The following KIRREL3 variants were observed in gnomAD, a reference collection of about 807,000 sequenced individuals.
KIRREL3 encodes the protein kin of IRRE-like protein 3.
A neutral mutation model predicts 89.7 loss-of-function variants in KIRREL3; 36 were observed. The ratio of observed to expected loss-of-function variants is 0.40; its 90% CI spans 0.31 to 0.53. The LOEUF is 0.53. Ranked by LOEUF, KIRREL3 falls within the 20% of genes least tolerant of loss-of-function variation. KIRREL3 has a pLI of 0.49. For synonymous variants in KIRREL3, 445 were observed against 441.4 expected (o/e 1.01, Z -0.10); for missense variants, 864 against 1,056.6 (o/e 0.82, Z 2.53).
At chr11:126,864,730 A>G (rs1422783174) in intron 1 of KIRREL3, among the ~76,000 whole-genome samples, 2 of 152,212 alleles carry the variant, frequency 1.3e-5, no homozygotes, top group African/African-American at 2.4e-5. Flanking sequence ...ATCCTTGTTT[A>G]CAGACGAGAA....
At chr11:126,861,811 G>A (rs974216807) in intron 1 of KIRREL3, among the ~76,000 whole-genome samples, 53 of 152,150 alleles carry the variant, frequency 3.5e-4, no homozygotes, top group African/African-American at 1.2e-3. Context: ...ACTGCTTCTC[G>A]AGGGATAGTC....
rs375841538 is a variant in KIRREL3 at position 126,508,614 on chromosome 11, G to A, written c.433+12701C>T. ...CTGTTTCATAGTGATGATTTTAGGG[G>A]GAGTCAGGCAGCAGAGAGAGTGGAG... On this transcript the variant is annotated intron_variant, in intron 4 of 16. Transcript: ENST00000525144. The surrounding 1 kb of genome is among the most constrained non-coding windows in gnomAD (Gnocchi z 4.9). 1.4e-3 allele frequency among the ~76,000 whole-genome samples: 219 copies of A among 152,298 alleles called. 2 individuals are homozygous for A. The highest frequency in any genetic ancestry group is 5.0e-3 in the African/African-American group (209 of 41,552).
rs543567975 is a variant in KIRREL3 at position 126,622,676 on chromosome 11, C to T, written c.56-59764G>A. On this transcript the variant is annotated intron_variant, in intron 1 of 16. Transcript: ENST00000525144. The surrounding 1 kb of genome is among the most constrained non-coding windows in gnomAD (Gnocchi z 5.2). ...TGCACTCCAGCCTGGGCGACAAGAG[C>T]GAAACTCTGTCTCAAAAAACAAAAA... is the stretch of plus-strand genomic sequence containing the variant. Among the ~76,000 whole-genome samples the T allele has an allele frequency of 6.6e-6, 1 of 152,182 alleles. No homozygotes were observed. Among genetic ancestry groups the T allele is most frequent in the South Asian group, 2.1e-4 (1 of 4,806 alleles).
rs1385496588 is a variant in KIRREL3, at chr11:126,475,480, C to T, written c.434-2014G>A. On this transcript the variant is annotated intron_variant, in intron 4 of 16. Coordinates refer to ENST00000525144, the MANE Select transcript of KIRREL3 (RefSeq NM_032531.4). The surrounding 1 kb of genome is among the most constrained non-coding windows in gnomAD (Gnocchi z 7.5). Reference sequence around the variant, plus strand: ...TGGAGGCCTGCTCCCACACTAACAGCACAGCAGTGCCATTTCCTGAGGAAC... The same window carrying T: ...TGGAGGCCTGCTCCCACACTAACAGTACAGCAGTGCCATTTCCTGAGGAAC... 6.6e-6 allele frequency among the ~76,000 whole-genome samples: 1 copy of T among 152,212 alleles called. No individual in the cohort carries two copies. The highest frequency in any genetic ancestry group is 2.4e-5 in the African/African-American group (1 of 41,462).
At chr11:126,859,807 A>G (rs771928214) in intron 1 of KIRREL3, among the ~76,000 whole-genome samples, 1 of 152,220 alleles carries the variant, frequency 6.6e-6, no homozygotes, top group Non-Finnish European at 1.5e-5. Flanking sequence ...CCGAGAGTCC[A>G]TGAGGCAGCT....
Position 126,717,601 on chromosome 11 carries a change from C to T in KIRREL3, c.56-154689G>A, listed in dbSNP as rs1038474045. Among the ~76,000 whole-genome samples the T allele has an allele frequency of 2.0e-5, 3 of 152,336 alleles. No individual in the cohort carries two copies. The East Asian group carries it at 5.8e-4, about 29-fold the overall frequency. ...TCCTCCATCCTCACTCATCTCTGTCCTCCTGCTGGCCAGTCACCCCCACCT... is the reference window on the plus strand; with the variant it reads ...TCCTCCATCCTCACTCATCTCTGTCTTCCTGCTGGCCAGTCACCCCCACCT... On this transcript the variant is annotated intron_variant, in intron 1 of 16. Transcript: ENST00000525144.
At position 126,628,510 on chromosome 11, in the gene KIRREL3, C is replaced by T. The variant is rs772067330; in HGVS notation, c.56-65598G>A. On this transcript the variant is annotated intron_variant, in intron 1 of 16. Coordinates refer to ENST00000525144, the MANE Select transcript of KIRREL3 (RefSeq NM_032531.4). The surrounding 1 kb of genome is among the most constrained non-coding windows in gnomAD (Gnocchi z 5.2). ...GCTGAGCAGGAAGAACAGTATATCC[C>T]GTTCTCCTAGCTCTCAAAACAATGG... is the stretch of plus-strand genomic sequence containing the variant. Among the ~76,000 whole-genome samples the T allele has an allele frequency of 6.6e-6, 1 of 152,194 alleles. No homozygotes were observed. Among genetic ancestry groups the T allele is most frequent in the Non-Finnish European group, 1.5e-5 (1 of 68,036 alleles).
chr11:126,979,182 C>CCA (rs1430174084), intron 1 of KIRREL3, among the ~76,000 whole-genome samples: 1 of 152,156 alleles, frequency 6.6e-6, no homozygotes, highest in Non-Finnish European at 1.5e-5. Flanking sequence ...GCTCCACAGA[C>CCA]CACATCTGCC....
chr11:126,468,365 G>A (rs1038544644), intron 5 of KIRREL3, among the ~76,000 whole-genome samples: 7 of 152,240 alleles, frequency 4.6e-5, no homozygotes, highest in East Asian at 3.8e-4. Flanking sequence ...CTCTGCAGCC[G>A]ACACCCGCTG....
Position 126,995,448 on chromosome 11 carries a change from C to G in KIRREL3, c.55+5007G>C, listed in dbSNP as rs1036590769. 2.5e-6 allele frequency: 1 copy of G among 398,608 alleles called. No individual in the cohort carries two copies. The highest frequency in any genetic ancestry group is 4.9e-6 in the Non-Finnish European group (1 of 202,438). The allele number at this position is 398,608 out of a possible 1,614,324, so 24.7% of individuals were successfully genotyped here. A position where few individuals can be genotyped will look rare whatever the true frequency, so the allele number is the denominator to read the frequency against. ...CTTGATGGACCCCAATAAAAAAACG[C>G]CTGCACTGTTTTTCACCTAAGGTCA... On this transcript the variant is annotated intron_variant, in intron 1 of 16. Coordinates refer to ENST00000525144, the MANE Select transcript of KIRREL3 (RefSeq NM_032531.4). This position sits in a 1 kb window ranked among gnomAD's most constrained non-coding sequence, Gnocchi z 6.5.
At chr11:126,637,866 T>C (rs1030646471) in intron 1 of KIRREL3, among the ~76,000 whole-genome samples, 1 of 152,214 alleles carries the variant, frequency 6.6e-6, no homozygotes, top group African/African-American at 2.4e-5. Flanking sequence ...ATACACATGA[T>C]AGCTGAGAAG....
rs1945345247 is a variant in KIRREL3, at chr11:126,877,779, G to A, written c.55+122676C>T. ...AAAATACAGGCATGACAGGAACAAT[G>A]TAACAGAGAAAGTGACATACAGTAG... On this transcript the variant is annotated intron_variant, in intron 1 of 16. Transcript: ENST00000525144. The surrounding 1 kb of genome is among the most constrained non-coding windows in gnomAD (Gnocchi z 4.9). 6.6e-6 allele frequency among the ~76,000 whole-genome samples: 1 copy of A among 152,194 alleles called. No individual in the cohort carries two copies. Among genetic ancestry groups the A allele is most frequent in the African/African-American group, 2.4e-5 (1 of 41,450 alleles).
rs531598240 is a variant in KIRREL3, at chr11:126,566,231, G to A, written c.56-3319C>T. 2.0e-5 allele frequency among the ~76,000 whole-genome samples: 3 copies of A among 152,312 alleles called. No homozygotes were observed. Among genetic ancestry groups the A allele is most frequent in the South Asian group, 4.1e-4 (2 of 4,824 alleles). Reference sequence around the variant, plus strand: ...TCACCTGCAGATGGGGCAGTGGAGGGCACTGTCCCAGGAACAAGGAAGGTT... The same window carrying A: ...TCACCTGCAGATGGGGCAGTGGAGGACACTGTCCCAGGAACAAGGAAGGTT... On this transcript the variant is annotated intron_variant, in intron 1 of 16. Transcript: ENST00000525144. This position sits in a 1 kb window ranked among gnomAD's most constrained non-coding sequence, Gnocchi z 4.9.
chr11:126,821,347 A>ATATATATATATATATATG (rs1344371968), intron 1 of KIRREL3, among the ~76,000 whole-genome samples: 1 of 115,880 alleles, frequency 8.6e-6, no homozygotes, highest in African/African-American at 3.5e-5. Context: ...ATATATATAT[A>ATATATATATATATATATG]TATATGTAAC....
chr11:126,804,878 A>C (rs1328996854), intron 1 of KIRREL3, among the ~76,000 whole-genome samples: 1 of 152,182 alleles, frequency 6.6e-6, no homozygotes, highest in Admixed American at 6.5e-5. Context: ...CCACTGATAC[A>C]AAAAAGGTCA....
chr11:126,857,629 C>G (rs1028679116), intron 1 of KIRREL3, among the ~76,000 whole-genome samples: 20 of 152,218 alleles, frequency 1.3e-4, no homozygotes, highest in African/African-American at 4.1e-4. Context: ...GTATTTCCTT[C>G]ATGGTCATAT....
Position 126,943,692 on chromosome 11 carries a change from C to G in KIRREL3, c.55+56763G>C, listed in dbSNP as rs777420364. Among the ~76,000 whole-genome samples, 3 of 152,120 alleles carry G rather than the reference C, an allele frequency of 2.0e-5. No individual in the cohort carries two copies. Among genetic ancestry groups the G allele is most frequent in the Non-Finnish European group, 4.4e-5 (3 of 68,026 alleles). ...GGCCAGAATGACTGATGTGAGGGGT[C>G]AAGGGCAGGCTTTGCCTCCAGGGAG... On this transcript the variant is annotated intron_variant, in intron 1 of 16. Coordinates refer to ENST00000525144, the MANE Select transcript of KIRREL3 (RefSeq NM_032531.4). The surrounding 1 kb of genome is among the most constrained non-coding windows in gnomAD (Gnocchi z 4.2).
chr11:126,562,755 G>T lies in KIRREL3; in HGVS notation c.133+80C>A. On this transcript the variant is annotated intron_variant, in intron 2 of 16. Transcript: ENST00000525144. This position sits in a 1 kb window ranked among gnomAD's most constrained non-coding sequence, Gnocchi z 4.7. ...TGAGAGGTCCCAGGTTCTTATTCCT[G>T]GTTCCTCTGTCCTGTGGCTGTAGGG... is the stretch of plus-strand genomic sequence containing the variant. The T allele has an allele frequency of 8.2e-7, 1 of 1,220,448 alleles. No homozygotes were observed. Among genetic ancestry groups the T allele is most frequent in the Non-Finnish European group, 1.2e-6 (1 of 832,132 alleles). The allele number at this position is 1,220,448 out of a possible 1,614,324, so 75.6% of individuals were successfully genotyped here. A position where few individuals can be genotyped will look rare whatever the true frequency, so the allele number is the denominator to read the frequency against.
Position 126,765,594 on chromosome 11 carries a change from A to G in KIRREL3, c.56-202682T>C, listed in dbSNP as rs536672906. ...CTACTACAGTTATTTTTATTTAAGA[A>G]AGCCCCTTTCCTTCGGGCTCCAGTA... On this transcript the variant is annotated intron_variant, in intron 1 of 16. Coordinates refer to ENST00000525144, the MANE Select transcript of KIRREL3 (RefSeq NM_032531.4). 8.9e-4 allele frequency among the ~76,000 whole-genome samples: 135 copies of G among 152,304 alleles called. 1 individual carries two copies. Among genetic ancestry groups the G allele is most frequent in the African/African-American group, 3.0e-3 (125 of 41,570 alleles).
Sources: gnomAD v4.1 joint callset for allele counts (sites outside exome capture counted in the v4.1 genomes callset) on GRCh38, gnomAD v4.1.1 for gene constraint, Gnocchi (gnomAD v3.1) non-coding constraint, MANE v1.5 for transcripts, NCBI Gene and HGNC (gene_info 2026-07-23, HGNC 2026-07-21) for gene names.